Variants in SFMBT2 observed in about 807,000 individuals in gnomAD.
The protein encoded by SFMBT2 is Scm like with four mbt domains 2.
SFMBT2 carries 38 observed loss-of-function variants against 110.1 expected under a neutral mutation model. The ratio of observed to expected loss-of-function variants is 0.35; its 90% CI spans 0.27 to 0.45. The LOEUF (loss-of-function observed/expected upper bound fraction) is 0.45. Among genes scored for constraint, SFMBT2 ranks in the 20% least tolerant of loss-of-function variants. SFMBT2 has a pLI of 1.00. For missense variants in SFMBT2, 1,011 were observed against 1,094.9 expected, an observed-to-expected ratio of 0.92 and a Z score of 1.08; for synonymous variants, 425 against 425.4, an observed-to-expected ratio of 1.00 and a Z score of 0.01.
chr10:7,375,889 A>G (rs1367884128), intron 2 of SFMBT2, among the ~76,000 whole-genome samples: 3 of 152,132 alleles, frequency 2.0e-5, no homozygotes, highest in Non-Finnish European at 4.4e-5. Context: ...ACCAGTTCCC[A>G]GCGTGAAGAG....
At position 7,161,377 on chromosome 10, in the gene SFMBT2, C is replaced by T. The variant is rs1588750607; in HGVS notation, c.*2393G>A. The T allele has an allele frequency of 6.6e-6, 1 of 152,256 alleles. No homozygotes were observed. Among genetic ancestry groups the T allele is most frequent in the Non-Finnish European group, 1.5e-5 (1 of 68,070 alleles). The allele number at this position is 152,256 out of a possible 1,614,324, so 9.4% of individuals were successfully genotyped here. On this transcript the variant is annotated 3_prime_UTR_variant, in exon 21 of 21. Transcript: ENST00000397167. ...CTCAAATACAACAGGAACAGCTGAG[C>T]TTGAAAAGGCCACAGTGAAGGATCA...
chr10:7,385,804 C>T (rs570670647), intron 1 of SFMBT2, among the ~76,000 whole-genome samples: 8 of 152,048 alleles, frequency 5.3e-5, no homozygotes, highest in Admixed American at 2.0e-4. Flanking sequence ...TCAAGACCAT[C>T]CTGGCTAACA....
intron 2 of SFMBT2, among the ~76,000 whole-genome samples, chr10:7,375,588 A>T (rs879441473): frequency 5.3e-5 from 8 of 152,168 alleles, no homozygotes; most frequent in African/African-American, 1.9e-4. Context: ...CATTGGAAGC[A>T]TCTGTGCAAA....
chr10:7,256,317 C>T (rs1841005767), intron 7 of SFMBT2, among the ~76,000 whole-genome samples: 1 of 152,222 alleles, frequency 6.6e-6, no homozygotes, highest in Non-Finnish European at 1.5e-5. Context: ...AATACCACTA[C>T]AACCTACAAC....
At chr10:7,334,211 C>A (rs750537494) in intron 4 of SFMBT2, among the ~76,000 whole-genome samples, 2 of 152,152 alleles carry the variant, frequency 1.3e-5, no homozygotes, top group Non-Finnish European at 1.5e-5. Flanking sequence ...CAGCCAGGCA[C>A]CGTCACATCC....
At chr10:7,407,753 G>A (rs950012652) in intron 1 of SFMBT2, among the ~76,000 whole-genome samples, 3 of 152,234 alleles carry the variant, frequency 2.0e-5, no homozygotes, top group African/African-American at 4.8e-5. Context: ...CGGTCTCCCA[G>A]GCTTTCCAGC....
intron 4 of SFMBT2, among the ~76,000 whole-genome samples, chr10:7,346,379 G>A (rs911872044): frequency 6.6e-6 from 1 of 152,152 alleles, no homozygotes; most frequent in African/African-American, 2.4e-5. Context: ...CAGAGGACAT[G>A]AAACAGAGGA....
At chr10:7,239,036 C>T (rs1026889674) in intron 9 of SFMBT2, among the ~76,000 whole-genome samples, 2 of 152,304 alleles carry the variant, frequency 1.3e-5, no homozygotes, top group East Asian at 3.9e-4. Context: ...CGTATCCACT[C>T]TAGCTCACTT....
intron 8 of SFMBT2, among the ~76,000 whole-genome samples, chr10:7,247,497 C>T (rs1475302712): frequency 6.6e-6 from 1 of 152,106 alleles, no homozygotes; most frequent in East Asian, 1.9e-4. Flanking sequence ...ATTTAGAAAG[C>T]ATTTCATTTT....
At position 7,301,136 on chromosome 10, in the gene SFMBT2, T is replaced by C. The variant is rs528504495; in HGVS notation, c.437-15182A>G. Among the ~76,000 whole-genome samples the C allele has an allele frequency of 6.6e-6, 1 of 152,250 alleles. No individual in the cohort carries two copies. Among genetic ancestry groups the C allele is most frequent in the African/African-American group, 2.4e-5 (1 of 41,536 alleles). ...CCAGGATGCTTCCCGATGGAGGCAG[T>C]TGAGAACCATGCCTGCAACGAACAG... On this transcript the variant is annotated intron_variant, in intron 4 of 20. Transcript: ENST00000397167. The surrounding 1 kb of genome is among the most constrained non-coding windows in gnomAD (Gnocchi z 4.2).
intron 16 of SFMBT2, among the ~76,000 whole-genome samples, chr10:7,180,089 A>G (rs988013404): frequency 1.1e-4 from 16 of 151,418 alleles, no homozygotes; most frequent in Admixed American, 3.9e-4. Flanking sequence ...TGCTGGGAGA[A>G]AGCCTTCAGT....
chr10:7,178,387 G>A (rs1199599694), intron 16 of SFMBT2, among the ~76,000 whole-genome samples: 3 of 152,114 alleles, frequency 2.0e-5, no homozygotes, highest in Non-Finnish European at 4.4e-5. Context: ...AAATCCAAAC[G>A]CCTTTTATAG....
At chr10:7,308,801 C>G (rs1588436336) in intron 4 of SFMBT2, among the ~76,000 whole-genome samples, 1 of 152,180 alleles carries the variant, frequency 6.6e-6, no homozygotes. Context: ...ACCAGTTACA[C>G]ATGAACTCTC....
At chr10:7,261,853 A>G (rs1263577649) in intron 7 of SFMBT2, among the ~76,000 whole-genome samples, 1 of 152,254 alleles carries the variant, frequency 6.6e-6, no homozygotes, top group Non-Finnish European at 1.5e-5. Context: ...CCTTGACTTT[A>G]TGTCATTGAG....
chr10:7,305,000 A>T (rs1156939475), intron 4 of SFMBT2, among the ~76,000 whole-genome samples: 1 of 152,204 alleles, frequency 6.6e-6, no homozygotes, highest in Non-Finnish European at 1.5e-5. Flanking sequence ...TTCAGGAGTG[A>T]CAACAGGAGC....
At chr10:7,277,821 T>C (rs975305597) in intron 6 of SFMBT2, among the ~76,000 whole-genome samples, 8 of 152,236 alleles carry the variant, frequency 5.3e-5, no homozygotes, top group African/African-American at 1.9e-4. Flanking sequence ...ACGCTTAGGA[T>C]ATGAATATGA....
intron 7 of SFMBT2, 143 bp from the exon 8 acceptor site, chr10:7,248,792 T>C (rs1840705956): frequency 2.9e-6 from 2 of 695,314 alleles, no homozygotes; most frequent in East Asian, 2.8e-5. Context: ...AATTTCTAAT[T>C]ATTGCCAGAT....
chr10:7,321,979 G>A (rs1843204197), intron 4 of SFMBT2, among the ~76,000 whole-genome samples: 1 of 152,192 alleles, frequency 6.6e-6, no homozygotes, highest in South Asian at 2.1e-4. Flanking sequence ...CTAAATGTAT[G>A]CAGAATGTCA....
chr10:7,288,464 G>A (rs976008026), intron 4 of SFMBT2, among the ~76,000 whole-genome samples: 4 of 152,112 alleles, frequency 2.6e-5, no homozygotes, highest in Non-Finnish European at 5.9e-5. Context: ...CGCTCAGCAC[G>A]TTGGGAGGCT....
Sources: gnomAD v4.1 joint callset for allele counts (sites outside exome capture counted in the v4.1 genomes callset) on GRCh38, gnomAD v4.1.1 for gene constraint, Gnocchi (gnomAD v3.1) non-coding constraint, MANE v1.5 for transcripts, NCBI Gene and HGNC (gene_info 2026-07-23, HGNC 2026-07-21) for gene names.